GPR137C: variants seen among roughly 807,000 people sequenced by gnomAD.
The protein encoded by GPR137C is G protein-coupled receptor 137C.
A neutral mutation model predicts 43.4 loss-of-function variants in GPR137C; 27 were observed. The ratio of observed to expected loss-of-function variants is 0.62; its 90% CI spans 0.46 to 0.86. The LOEUF (loss-of-function observed/expected upper bound fraction) is 0.86, where lower values mean the gene tolerates loss of function less well. Ranked by LOEUF, GPR137C falls within the 40% of genes least tolerant of loss-of-function variation. The pLI, the probability that GPR137C is intolerant of heterozygous loss-of-function variation, is 0.00. For missense variants in GPR137C, 522 were observed against 534.6 expected (o/e 0.98, Z 0.23); for synonymous variants, 285 against 226.9 (o/e 1.26, Z -2.30).
intron 3 of GPR137C, among the ~76,000 whole-genome samples, chr14:52,605,988 T>C (rs1687845911): frequency 1.3e-5 from 2 of 152,224 alleles, no homozygotes; most frequent in Non-Finnish European, 2.9e-5. Flanking sequence ...ATCAGAGATG[T>C]TGGCCTGTAG....
At position 52,632,161 on chromosome 14, in the gene GPR137C, G is replaced by A; in HGVS notation, c.719G>A (p.Gly240Asp). The stretch of plus-strand genomic sequence containing the variant: ...GATGATGATTTTTATTTGTTTTAGG[G>A]TATGTCTCTGTGCCAGACTGTCGTC... ...SSANVYLESK[G>D]MSLCQTVVVG... is the part of the protein sequence containing the mutation. The change falls in exon 4 of 7, where the codon GGT (glycine) becomes GAT (aspartate). Residue 240 changes from glycine (G) to aspartate (D), a missense_variant and splice_region_variant. By Grantham distance (94) the Gly-to-Asp change is moderately conservative. Coordinates refer to ENST00000321662, the MANE Select transcript of GPR137C (RefSeq NM_001099652.2). 6.3e-7 allele frequency: 1 copy of A among 1,597,044 alleles called. No homozygotes were observed. Among genetic ancestry groups the A allele is most frequent in the Non-Finnish European group, 8.6e-7 (1 of 1,166,018 alleles).
chr14:52,623,713 C>G (rs1167344450), intron 3 of GPR137C, among the ~76,000 whole-genome samples: 1 of 151,632 alleles, frequency 6.6e-6, no homozygotes, highest in African/African-American at 2.4e-5. Flanking sequence ...TAGTTTCACT[C>G]AGTTCATTTG....
chr14:52,635,147 T>TC lies in GPR137C; in HGVS notation c.*32_*33insC. 6.7e-7 allele frequency: 1 copy of TC among 1,500,668 alleles called. No individual in the cohort carries two copies. Among genetic ancestry groups the TC allele is most frequent in the Non-Finnish European group, 8.9e-7 (1 of 1,118,386 alleles). 93.0% of individuals were successfully genotyped at this position (1,500,668 alleles called of 1,614,324 possible). A position where few individuals can be genotyped will look rare whatever the true frequency, so the allele number is the denominator to read the frequency against. On this transcript the variant is annotated 3_prime_UTR_variant, in exon 7 of 7. Transcript: ENST00000321662. ...CACCAAGTCATGATTCTTGAGTTGT[T>TC]TTTCATAAATGTGTATATTCAATGT... is the stretch of plus-strand genomic sequence containing the variant.
intron 1 of GPR137C, among the ~76,000 whole-genome samples, chr14:52,569,342 T>C (rs1163626939): frequency 6.7e-6 from 1 of 150,174 alleles, no homozygotes; most frequent in Non-Finnish European, 1.5e-5. Context: ...GAAAAACCAG[T>C]GCAGAAAGGC....
At chr14:52,622,315 ATTTTG>A (rs1004116806) in intron 3 of GPR137C, among the ~76,000 whole-genome samples, 28 of 152,040 alleles carry the variant, frequency 1.8e-4, no homozygotes, top group Admixed American at 6.6e-5. Flanking sequence ...CATTTGAATC[ATTTTG>A]TAACATCGCG....
intron 1 of GPR137C, among the ~76,000 whole-genome samples, chr14:52,575,943 C>G (rs2038544207): frequency 6.6e-6 from 1 of 152,316 alleles, no homozygotes; most frequent in South Asian, 2.1e-4. Context: ...AGCTTAGTCT[C>G]TCACTAAGAA....
chr14:52,634,545 G>GT (rs1231416808), intron 6 of GPR137C, among the ~76,000 whole-genome samples: 1 of 152,024 alleles, frequency 6.6e-6, no homozygotes, highest in Non-Finnish European at 1.5e-5. Flanking sequence ...CTTTTCATCT[G>GT]TAAGACAGGG....
At chr14:52,595,435 C>G (rs984483383) in intron 1 of GPR137C, among the ~76,000 whole-genome samples, 23 of 152,132 alleles carry the variant, frequency 1.5e-4, no homozygotes, top group Admixed American at 2.6e-4. Flanking sequence ...TTCCATTCTC[C>G]CCATCACTTT....
chr14:52,593,040 AG>A (rs1458452960), intron 1 of GPR137C, among the ~76,000 whole-genome samples: 7 of 152,180 alleles, frequency 4.6e-5, no homozygotes, highest in South Asian at 2.1e-4. Context: ...TTTAGCATGA[AG>A]GGCTGTTGAA....
chr14:52,557,594 T>A (rs1257579016), intron 1 of GPR137C, among the ~76,000 whole-genome samples: 1 of 152,238 alleles, frequency 6.6e-6, no homozygotes. Flanking sequence ...TTTCACTATC[T>A]TGATCTTATT....
At chr14:52,615,833 T>C (rs11157924) in intron 3 of GPR137C, among the ~76,000 whole-genome samples, 68,050 of 152,138 alleles carry the variant, frequency 0.45, 16,175 homozygotes, top group Middle Eastern at 0.56. Context: ...TATTTTTTAA[T>C]TTGTATTTAT....
chr14:52,553,111 C>A lies in GPR137C; in HGVS notation c.-37C>A. 8.9e-7 allele frequency: 1 copy of A among 1,127,710 alleles called. No homozygotes were observed. The highest frequency in any genetic ancestry group is 1.1e-6 in the Non-Finnish European group (1 of 915,204). 69.9% of individuals were successfully genotyped at this position (1,127,710 alleles called of 1,614,324 possible). On this transcript the variant is annotated 5_prime_UTR_variant, in exon 1 of 7. Coordinates refer to ENST00000321662, the MANE Select transcript of GPR137C (RefSeq NM_001099652.2). ...ACGGCGGCTCCGAGTCCAGCCCCTT[C>A]CTTCCCGCGCTCGCTCGCCCGGCCC...
intron 1 of GPR137C, 88 bp downstream of exon 1, chr14:52,553,679 G>T: frequency 2.8e-6 from 2 of 706,802 alleles, no homozygotes; most frequent in South Asian, 1.9e-5. Flanking sequence ...GGGGGCGGGG[G>T]GTGGGCAGCG....
chr14:52,594,330 T>A (rs566254918), intron 1 of GPR137C, among the ~76,000 whole-genome samples: 1 of 152,338 alleles, frequency 6.6e-6, no homozygotes, highest in Admixed American at 6.5e-5. Flanking sequence ...TCTGTAGATG[T>A]CTATTAGGTC....
chr14:52,568,903 T>TA (rs1209240470), intron 1 of GPR137C, among the ~76,000 whole-genome samples: 1 of 152,196 alleles, frequency 6.6e-6, no homozygotes, highest in Non-Finnish European at 1.5e-5. Flanking sequence ...TGCCGGCTCT[T>TA]AAGAGAGCAG....
chr14:52,578,329 A>G (rs948380333), intron 1 of GPR137C, among the ~76,000 whole-genome samples: 13 of 151,950 alleles, frequency 8.6e-5, no homozygotes, highest in African/African-American at 3.1e-4. Flanking sequence ...TTTTAAATGA[A>G]TCTTTTTCTT....
intron 3 of GPR137C, among the ~76,000 whole-genome samples, chr14:52,622,356 C>G (rs182350204): frequency 6.6e-6 from 1 of 151,996 alleles, no homozygotes; most frequent in Non-Finnish European, 1.5e-5. Context: ...AAAGAATGGT[C>G]CTAGATCTTC....
chr14:52,621,354 C>A (rs2039158912), intron 3 of GPR137C, among the ~76,000 whole-genome samples: 1 of 151,466 alleles, frequency 6.6e-6, no homozygotes, highest in South Asian at 2.1e-4. Context: ...AAAACATTTC[C>A]AGAAAAAAGA....
chr14:52,565,378 C>T (rs2038352608), intron 1 of GPR137C, among the ~76,000 whole-genome samples: 1 of 152,028 alleles, frequency 6.6e-6, no homozygotes, highest in Non-Finnish European at 1.5e-5. Flanking sequence ...ATTTAATACC[C>T]ATCAAAGTTA....
Sources: allele counts gnomAD v4.1 joint callset (sites outside exome capture counted in the v4.1 genomes callset), GRCh38; gene constraint gnomAD v4.1.1; transcripts MANE v1.5; gene names NCBI Gene and HGNC (gene_info 2026-07-23, HGNC 2026-07-21).